The following CCDC13 variants were observed in gnomAD, a reference collection of about 807,000 sequenced individuals.
The protein encoded by CCDC13 is coiled-coil domain-containing protein 13.
A neutral mutation model predicts 87.3 loss-of-function variants in CCDC13; 70 were observed. The ratio of observed to expected loss-of-function variants is 0.80; its 90% CI spans 0.66 to 0.98. The LOEUF (loss-of-function observed/expected upper bound fraction) is 0.98. Ranked by LOEUF, CCDC13 falls within the 50% of genes least tolerant of loss-of-function variation. CCDC13 has a pLI of 0.00. For missense variants in CCDC13, 842 were observed against 892.0 expected, an observed-to-expected ratio of 0.94 and a Z score of 0.71; for synonymous variants, 317 against 360.3, an observed-to-expected ratio of 0.88 and a Z score of 1.36.
chr3:42,741,779 G>A (rs2062124688), intron 8 of CCDC13, among the ~76,000 whole-genome samples: 1 of 152,282 alleles, frequency 6.6e-6, no homozygotes, highest in East Asian at 1.9e-4. Flanking sequence ...CAGCCTTCAA[G>A]ATACAGGCCA....
chr3:42,739,504 G>C (rs1188987153), intron 9 of CCDC13, 130 bp downstream of exon 9: 2 of 1,022,664 alleles, frequency 2.0e-6, no homozygotes, highest in Non-Finnish European at 2.8e-6. Context: ...GGGCCATCTG[G>C]AGGCAACGGG....
At chr3:42,722,479 G>A (rs1295568521) in intron 13 of CCDC13, among the ~76,000 whole-genome samples, 3 of 152,172 alleles carry the variant, frequency 2.0e-5, no homozygotes, top group Non-Finnish European at 4.4e-5. Flanking sequence ...TGGGAGGTTG[G>A]CACAAAATAC....
Position 42,761,688 on chromosome 3 carries a change from A to G in CCDC13, c.-6-3337T>C, listed in dbSNP as rs190921974. 1.4e-4 allele frequency among the ~76,000 whole-genome samples: 22 copies of G among 152,332 alleles called. No homozygotes were observed. In the East Asian group the frequency reaches 3.5e-3, roughly 24 times the overall value. Reference sequence around the variant, plus strand: ...GACAGACTCCTGTGCAAAAAGCTTCAGCAGATGCCCCTTAGCCACAAAGCC... The same window carrying G: ...GACAGACTCCTGTGCAAAAAGCTTCGGCAGATGCCCCTTAGCCACAAAGCC... On this transcript the variant is annotated intron_variant, in intron 1 of 15. Transcript: ENST00000310232.
At position 42,709,059 on chromosome 3, in the gene CCDC13, C is replaced by T. The variant is rs767528181; in HGVS notation, c.2069G>A (p.Arg690Gln). 3.1e-5 allele frequency: 50 copies of T among 1,614,058 alleles called. No individual in the cohort carries two copies. Among genetic ancestry groups the T allele is most frequent in the East Asian group, 4.5e-5 (2 of 44,884 alleles). The change falls in exon 16 of 16, where the codon CGG becomes CAG. Residue 690 changes from arginine to glutamine, a missense_variant. Physicochemically the swap from Arg to Gln is conservative, Grantham distance 43 (BLOSUM62 1). Coordinates refer to ENST00000310232, the MANE Select transcript of CCDC13 (RefSeq NM_144719.4). The part of the protein sequence containing the change: ...SALRGKEEDF[R>Q]MYHEILGQVK... ...CTGGCCCAGGATCTCATGGTACATC[C>T]GGAAGTCCTCCTCCTTTCCCCGCAG...
At chr3:42,764,864 A>T (rs1174551590) in intron 1 of CCDC13, among the ~76,000 whole-genome samples, 1 of 152,168 alleles carries the variant, frequency 6.6e-6, no homozygotes, top group African/African-American at 2.4e-5. Flanking sequence ...ATAATTATCT[A>T]TTATTTTATT....
chr3:42,709,853 C>T, intron 14 of CCDC13, 55 bp from the exon 15 acceptor site: 1 of 1,310,662 alleles, frequency 7.6e-7, no homozygotes, highest in Non-Finnish European at 1.1e-6. Flanking sequence ...TGTGCTAGCA[C>T]CCTGCTTCTC....
chr3:42,712,455 C>T (rs925514577), intron 14 of CCDC13, among the ~76,000 whole-genome samples: 2 of 152,218 alleles, frequency 1.3e-5, no homozygotes, highest in Non-Finnish European at 2.9e-5. Flanking sequence ...TTGAGAACCA[C>T]TGTGTTCGAG....
intron 6 of CCDC13, chr3:42,746,528 G>A: frequency 6.0e-6 from 1 of 165,420 alleles, no homozygotes; most frequent in East Asian, 1.7e-4. Context: ...TGCGGTTGTT[G>A]AAGTGCAGCA....
intron 13 of CCDC13, among the ~76,000 whole-genome samples, chr3:42,716,334 A>C (rs1265376435): frequency 6.6e-6 from 1 of 152,218 alleles, no homozygotes; most frequent in African/African-American, 2.4e-5. Flanking sequence ...ACAATTCCAC[A>C]ATATAGAAGA....
At chr3:42,747,735 A>C (rs921034805) in intron 5 of CCDC13, among the ~76,000 whole-genome samples, 1 of 152,224 alleles carries the variant, frequency 6.6e-6, no homozygotes, top group African/African-American at 2.4e-5. Context: ...GGCAGGCTCC[A>C]CGCCTCCCAG....
intron 10 of CCDC13, among the ~76,000 whole-genome samples, chr3:42,734,170 C>T (rs1374596410): frequency 6.6e-6 from 1 of 152,198 alleles, no homozygotes; most frequent in Non-Finnish European, 1.5e-5. Flanking sequence ...TTAGAGGACC[C>T]CCAGCAGGAG....
intron 14 of CCDC13, among the ~76,000 whole-genome samples, chr3:42,712,592 G>A (rs574117910): frequency 3.9e-5 from 6 of 152,330 alleles, no homozygotes; most frequent in East Asian, 3.9e-4. Flanking sequence ...GGAGAAGTTT[G>A]TCTCCTTCCC....
At position 42,735,919 on chromosome 3, in the gene CCDC13, G is replaced by C. The variant is rs554785487; in HGVS notation, c.1165-6C>G. ...TGTAGCTGCTTCAGCTGGTCCTGGG[G>C]GGCCAGGCAGGAGGGCAGGTGGAGT... On this transcript the variant is annotated splice_polypyrimidine_tract_variant and splice_region_variant and intron_variant, in intron 9 of 15. Transcript: ENST00000310232. 1 of 1,611,396 alleles carries C rather than the reference G, an allele frequency of 6.2e-7. No individual in the cohort carries two copies. Among genetic ancestry groups the C allele is most frequent in the East Asian group, 2.2e-5 (1 of 44,756 alleles).
At chr3:42,716,572 T>C (rs2125871485) in intron 13 of CCDC13, among the ~76,000 whole-genome samples, 1 of 152,216 alleles carries the variant, frequency 6.6e-6, no homozygotes, top group South Asian at 2.1e-4. Flanking sequence ...AAATGTCCAA[T>C]AAGCACATAA....
chr3:42,763,967 A>AT (rs1479531941), intron 1 of CCDC13, among the ~76,000 whole-genome samples: 81 of 152,308 alleles, frequency 5.3e-4, no homozygotes, highest in African/African-American at 1.9e-3. Flanking sequence ...ATATATACCG[A>AT]TTTGGTCCAG....
chr3:42,763,682 T>C (rs1166849897), intron 1 of CCDC13, among the ~76,000 whole-genome samples: 1 of 151,984 alleles, frequency 6.6e-6, no homozygotes, highest in Non-Finnish European at 1.5e-5. Context: ...TTTTTGTATG[T>C]TTTTGTAGAG....
At chr3:42,709,944 T>G (rs1441125804) in intron 14 of CCDC13, 146 bp from the exon 15 acceptor site, 15 of 640,846 alleles carry the variant, frequency 2.3e-5, no homozygotes, top group Admixed American at 2.3e-5. Context: ...CTCTGAGCTC[T>G]GCCTCCCTCC....
downstream of CCDC13, among the ~76,000 whole-genome samples, chr3:42,705,106 C>T (rs775991125): frequency 2.6e-5 from 4 of 152,078 alleles, no homozygotes; most frequent in African/African-American, 7.2e-5. Context: ...ATCGTACATA[C>T]GTGTGTATAT....
chr3:42,711,785 G>A (rs1445389978), intron 14 of CCDC13, among the ~76,000 whole-genome samples: 2 of 152,200 alleles, frequency 1.3e-5, no homozygotes, highest in African/African-American at 2.4e-5. Flanking sequence ...CACCAGAGGG[G>A]CAGGATTTTG....
Sources: allele counts gnomAD v4.1 joint callset (sites outside exome capture counted in the v4.1 genomes callset), GRCh38; gene constraint gnomAD v4.1.1; transcripts MANE v1.5; gene names NCBI Gene and HGNC (gene_info 2026-07-23, HGNC 2026-07-21).